PDE1A: variants seen among roughly 807,000 people sequenced by gnomAD.
PDE1A encodes the protein phosphodiesterase 1A, also known as dual specificity calcium/calmodulin-dependent 3',5'-cyclic nucleotide phosphodiesterase 1A.
Under a neutral mutation model 61.7 loss-of-function variants are expected in PDE1A, and 35 were observed. That is an observed-to-expected ratio of 0.57 (90% confidence interval 0.43 to 0.75). The LOEUF (loss-of-function observed/expected upper bound fraction) is 0.75. Ranked by LOEUF, PDE1A falls within the 30% of genes least tolerant of loss-of-function variation. PDE1A has a pLI of 0.00. For synonymous variants in PDE1A, 232 were observed against 213.2 expected (o/e 1.09, Z -0.77); for missense variants, 597 against 630.6 (o/e 0.95, Z 0.57).
At chr2:182,234,022 G>C (rs1689801517) in intron 4 of PDE1A, among the ~76,000 whole-genome samples, 1 of 151,808 alleles carries the variant, frequency 6.6e-6, no homozygotes, top group Admixed American at 6.6e-5. Context: ...ATTTCCTTCT[G>C]TATGTTTTGT....
At chr2:182,248,252 C>CAA (rs1197993496) in intron 2 of PDE1A, among the ~76,000 whole-genome samples, 836 of 78,024 alleles carry the variant, frequency 0.011, 6 homozygotes, top group African/African-American at 0.036. Flanking sequence ...GCAAGACTGT[C>CAA]AAAAAAAAAA....
At position 182,518,233 on chromosome 2, in the gene PDE1A, C is replaced by T. The variant is rs542270437; in HGVS notation, c.101+4043G>A. ...TCCTGTCACTTCCATGTTTTTTTTG[C>T]TAATTTTTATTTTAAATGTATATTT... On this transcript the variant is annotated intron_variant, in intron 2 of 14. Coordinates refer to the PDE1A transcript ENST00000410103. 5.3e-5 allele frequency among the ~76,000 whole-genome samples: 8 copies of T among 151,814 alleles called. No homozygotes were observed. In the East Asian group the frequency reaches 7.7e-4, roughly 15 times the overall value.
the PDE1A span, among the ~76,000 whole-genome samples, chr2:182,597,171 T>G: frequency 7.1e-6 from 1 of 141,388 alleles, no homozygotes; most frequent in Non-Finnish European, 1.5e-5. Context: ...AAAAAAAAAA[T>G]TTTTTTTTTA....
At chr2:182,522,224 C>G in intron 2 of PDE1A, 2 of 1,467,026 alleles carry the variant, frequency 1.4e-6, no homozygotes, top group Non-Finnish European at 9.5e-7. Context: ...CAATTAGTCA[C>G]GTTAATAGTC....
At chr2:182,641,016 T>A in the PDE1A span, among the ~76,000 whole-genome samples, 1 of 396 alleles carries the variant, frequency 2.5e-3, no homozygotes, top group Non-Finnish European at 0.012. Context: ...TGAGACTCCA[T>A]CTCAAAAAAA....
chr2:182,181,504 G>C (rs1385389631), intron 13 of PDE1A, among the ~76,000 whole-genome samples: 1 of 152,116 alleles, frequency 6.6e-6, no homozygotes, highest in Non-Finnish European at 1.5e-5. Context: ...ATCCCTGTTG[G>C]GAGGTCTCTC....
chr2:182,338,163 T>C (rs1214320484), intron 1 of PDE1A, among the ~76,000 whole-genome samples: 1 of 152,200 alleles, frequency 6.6e-6, no homozygotes, highest in African/African-American at 2.4e-5. Context: ...CTGCCTTGAA[T>C]GAGGCCACAA....
At position 182,397,676 on chromosome 2, in the gene PDE1A, G is replaced by A. The variant is rs192555000; in HGVS notation, c.53+28902C>T. Reference sequence around the variant, plus strand: ...GTCTTTTCAGTTTTTTTCCTATTACGCTATGTCACATAATGTTTAGTACTG... The same window carrying A: ...GTCTTTTCAGTTTTTTTCCTATTACACTATGTCACATAATGTTTAGTACTG... On this transcript the variant is annotated intron_variant, in intron 1 of 13. Transcript: ENST00000351439. Among the ~76,000 whole-genome samples the A allele has an allele frequency of 2.8e-4, 43 of 152,012 alleles. 3 individuals carry two copies. In the South Asian group the frequency reaches 8.7e-3, roughly 31 times the overall value.
the PDE1A span, among the ~76,000 whole-genome samples, chr2:182,600,331 C>T: frequency 6.6e-6 from 1 of 152,106 alleles, no homozygotes; most frequent in South Asian, 2.1e-4. Flanking sequence ...GAGTACTCAA[C>T]ATTATTGTAA....
chr2:182,476,210 G>C (rs765080120), intron 2 of PDE1A, among the ~76,000 whole-genome samples: 24 of 151,844 alleles, frequency 1.6e-4, no homozygotes, highest in South Asian at 6.2e-4. Flanking sequence ...TAAAATTAAG[G>C]CTGGATGGGG....
the PDE1A span, among the ~76,000 whole-genome samples, chr2:182,613,334 G>A: frequency 4.6e-5 from 7 of 152,112 alleles, no homozygotes; most frequent in East Asian, 1.9e-4. Context: ...AGGCCGAGGC[G>A]AGTGGATCAC....
At chr2:182,419,268 AT>A (rs1252823847) in intron 1 of PDE1A, among the ~76,000 whole-genome samples, 3 of 151,970 alleles carry the variant, frequency 2.0e-5, no homozygotes, top group African/African-American at 7.3e-5. Context: ...ATGCTACAAA[AT>A]TATATACAAG....
the PDE1A span, among the ~76,000 whole-genome samples, chr2:182,567,949 C>T: frequency 2.4e-4 from 36 of 151,762 alleles, 1 homozygote; most frequent in Admixed American, 9.2e-4. Flanking sequence ...CCCGCCACCA[C>T]GCCCGGCTAA....
chr2:182,223,618 C>A (rs564252505), intron 7 of PDE1A, among the ~76,000 whole-genome samples: 136 of 152,030 alleles, frequency 8.9e-4, no homozygotes, highest in African/African-American at 3.1e-3. Context: ...TGGGCAGAGA[C>A]AGATTGTCTT....
the PDE1A span, among the ~76,000 whole-genome samples, chr2:182,539,612 T>C: frequency 5.9e-5 from 9 of 152,244 alleles, no homozygotes; most frequent in African/African-American, 2.2e-4. Flanking sequence ...TATTTTGTTA[T>C]ATACATCACA....
the PDE1A span, among the ~76,000 whole-genome samples, chr2:182,701,608 C>A: frequency 6.6e-6 from 1 of 150,698 alleles, no homozygotes; most frequent in African/African-American, 2.4e-5. Flanking sequence ...TCTTGAACTC[C>A]CAGCCTCAAG....
chr2:182,690,727 A>G, the PDE1A span, among the ~76,000 whole-genome samples: 5 of 152,338 alleles, frequency 3.3e-5, no homozygotes, highest in African/African-American at 1.2e-4. Flanking sequence ...TTAGGAAAAG[A>G]GGAAGTCAAA....
chr2:182,512,312 T>C (rs978453905), intron 2 of PDE1A, among the ~76,000 whole-genome samples: 2 of 152,124 alleles, frequency 1.3e-5, no homozygotes, highest in Non-Finnish European at 2.9e-5. Context: ...GCCCCAGTAT[T>C]AGAGCATGCA....
chr2:182,644,208 A>G, the PDE1A span, among the ~76,000 whole-genome samples: 7 of 146,080 alleles, frequency 4.8e-5, no homozygotes, highest in African/African-American at 1.3e-4. Context: ...ACCACCAAAA[A>G]TGACTTAAAT....
Sources: allele counts gnomAD v4.1 joint callset (sites outside exome capture counted in the v4.1 genomes callset), GRCh38; gene constraint gnomAD v4.1.1; transcripts MANE v1.5; gene names NCBI Gene and HGNC (gene_info 2026-07-23, HGNC 2026-07-21).